DNM3: variants seen among roughly 807,000 people sequenced by gnomAD.
The protein encoded by DNM3 is dynamin-3.
In DNM3, 47 loss-of-function variants were observed where a neutral mutation model predicts 101.6. The observed-to-expected ratio is 0.46, with a 90% CI of 0.37 to 0.59. DNM3 has a LOEUF of 0.59. Among genes scored for constraint, DNM3 ranks in the 20% least tolerant of loss-of-function variants. The pLI is 0.00. For synonymous variants in DNM3, 385 were observed against 387.9 expected (o/e 0.99, Z 0.09); for missense variants, 849 against 1,085.7 (o/e 0.78, Z 3.06).
intron 2 of DNM3, among the ~76,000 whole-genome samples, chr1:171,978,910 G>C (rs1173045952): frequency 6.6e-6 from 1 of 152,078 alleles, no homozygotes; most frequent in African/African-American, 2.4e-5. Context: ...ATTAGATATA[G>C]ACAAATCTGG....
At chr1:172,351,714 A>C (rs1437252592) in intron 17 of DNM3, among the ~76,000 whole-genome samples, 1 of 152,210 alleles carries the variant, frequency 6.6e-6, no homozygotes, top group African/African-American at 2.4e-5. Flanking sequence ...AAAGGAAAAC[A>C]GACTTCTACC....
intron 1 of DNM3, among the ~76,000 whole-genome samples, chr1:171,908,943 T>C (rs2039057070): frequency 6.6e-6 from 1 of 152,144 alleles, no homozygotes; most frequent in African/African-American, 2.4e-5. Context: ...CTTTCCTTCC[T>C]CCTGCCTTTC....
chr1:171,873,002 G>C (rs1432923983), intron 1 of DNM3, among the ~76,000 whole-genome samples: 1 of 152,084 alleles, frequency 6.6e-6, no homozygotes, highest in African/African-American at 2.4e-5. Context: ...ATTACTCCTG[G>C]GGGTCTGAGT....
At chr1:172,069,885 A>G (rs757119175) in intron 11 of DNM3, among the ~76,000 whole-genome samples, 3 of 152,044 alleles carry the variant, frequency 2.0e-5, no homozygotes, top group Non-Finnish European at 2.9e-5. Flanking sequence ...GGTGAGGGAG[A>G]AATGGGGAAA....
chr1:171,957,546 T>C (rs1178542439), intron 2 of DNM3, among the ~76,000 whole-genome samples: 1 of 152,144 alleles, frequency 6.6e-6, no homozygotes, highest in South Asian at 2.1e-4. Flanking sequence ...TTTTCCAAAC[T>C]TTTATGCTCT....
intron 14 of DNM3, among the ~76,000 whole-genome samples, chr1:172,148,187 G>A (rs746916356): frequency 2.0e-5 from 3 of 151,972 alleles, no homozygotes; most frequent in Admixed American, 6.6e-5. Flanking sequence ...TATCTGCTGC[G>A]CTTTCACAGT....
intron 4 of DNM3, among the ~76,000 whole-genome samples, chr1:172,003,077 TTCTC>T (rs1332260535): frequency 6.6e-6 from 1 of 152,028 alleles, no homozygotes; most frequent in Admixed American, 6.6e-5. Flanking sequence ...AATAAATATA[TTCTC>T]TCTTTTTCTG....
intron 1 of DNM3, among the ~76,000 whole-genome samples, chr1:171,909,521 G>A (rs534744303): frequency 2.0e-5 from 3 of 151,908 alleles, no homozygotes; most frequent in South Asian, 4.2e-4. Flanking sequence ...TTTAGTCTTC[G>A]TATTTTAAAG....
intron 1 of DNM3, among the ~76,000 whole-genome samples, chr1:171,864,939 T>A (rs960473278): frequency 2.0e-5 from 3 of 152,148 alleles, no homozygotes; most frequent in African/African-American, 4.8e-5. Flanking sequence ...TGTTTTGTAA[T>A]GAAATTAATC....
intron 14 of DNM3, among the ~76,000 whole-genome samples, chr1:172,179,557 G>T (rs1425008519): frequency 2.6e-5 from 4 of 151,760 alleles, no homozygotes; most frequent in African/African-American, 9.7e-5. Context: ...TTCAGCTTCT[G>T]TATAACTTAC....
intron 2 of DNM3, among the ~76,000 whole-genome samples, chr1:171,952,461 A>C (rs1335226776): frequency 6.6e-6 from 1 of 152,142 alleles, no homozygotes; most frequent in African/African-American, 2.4e-5. Context: ...AATGCTGGTC[A>C]GTCAGTTGTG....
At chr1:172,247,871 A>G (rs1038614401) in intron 14 of DNM3, among the ~76,000 whole-genome samples, 33 of 151,544 alleles carry the variant, frequency 2.2e-4, no homozygotes, top group African/African-American at 7.0e-4. Context: ...TTTTAGTAGA[A>G]ACAGGGTTTC....
rs76938796 is a variant in DNM3 at position 172,035,081 on chromosome 1, A to G, written c.849+1816A>G. Among the ~76,000 whole-genome samples, 482 of 152,214 alleles carry G rather than the reference A, an allele frequency of 3.2e-3. 3 individuals are homozygous for G. The highest frequency in any genetic ancestry group is 0.011 in the African/African-American group (455 of 41,558). ...TGTGGTAAGGGCCAGTGGAGAGTAAAAAAAGGGGCGGGTTTGAGAAATGTT... is the reference window on the plus strand; with the variant it reads ...TGTGGTAAGGGCCAGTGGAGAGTAAGAAAAGGGGCGGGTTTGAGAAATGTT... On this transcript the variant is annotated intron_variant, in intron 6 of 20. Transcript: ENST00000627582.
chr1:171,950,809 A>G (rs1021116928), intron 2 of DNM3, among the ~76,000 whole-genome samples: 4 of 152,160 alleles, frequency 2.6e-5, no homozygotes, highest in African/African-American at 9.7e-5. Flanking sequence ...CAAATTGTTC[A>G]CTTTAAATAT....
intron 4 of DNM3, among the ~76,000 whole-genome samples, chr1:172,013,591 G>T (rs2047262083): frequency 6.6e-6 from 1 of 152,032 alleles, no homozygotes; most frequent in African/African-American, 2.4e-5. Context: ...TACATAGGAA[G>T]ATTTAAGGGC....
intron 10 of DNM3, 28 bp downstream of exon 10, chr1:172,048,778 T>C: frequency 6.2e-7 from 1 of 1,606,030 alleles, no homozygotes. Flanking sequence ...AACTTTCCAG[T>C]ACGTGGCTTT....
At chr1:172,264,720 G>A (rs1026326079) in intron 15 of DNM3, among the ~76,000 whole-genome samples, 3 of 152,108 alleles carry the variant, frequency 2.0e-5, no homozygotes, top group African/African-American at 4.8e-5. Context: ...ATGGCTTTCC[G>A]GGGGTTTCCA....
At chr1:171,926,344 G>A (rs1002902614) in intron 2 of DNM3, among the ~76,000 whole-genome samples, 1 of 152,196 alleles carries the variant, frequency 6.6e-6, no homozygotes, top group African/African-American at 2.4e-5. Flanking sequence ...TCCAATCCAT[G>A]AGCATGGGAT....
chr1:171,973,218 A>G (rs554217871), intron 2 of DNM3, among the ~76,000 whole-genome samples: 2 of 152,286 alleles, frequency 1.3e-5, no homozygotes, highest in African/African-American at 4.8e-5. Context: ...CTTGGAGGGG[A>G]GAGCTTGAAG....
Sources: gnomAD v4.1 joint callset for allele counts (sites outside exome capture counted in the v4.1 genomes callset) on GRCh38, gnomAD v4.1.1 for gene constraint, MANE v1.5 for transcripts, NCBI Gene and HGNC (gene_info 2026-07-23, HGNC 2026-07-21) for gene names.